BHMT2: variants seen among roughly 807,000 people sequenced by gnomAD.
The protein encoded by BHMT2 is betaine--homocysteine S-methyltransferase 2.
In BHMT2, 28 loss-of-function variants were observed where a neutral mutation model predicts 39.0. The observed-to-expected ratio is 0.72, with a 90% CI of 0.53 to 0.98. BHMT2 has a LOEUF of 0.98. Among genes scored for constraint, BHMT2 ranks in the 50% least tolerant of loss-of-function variants. The probability of loss-of-function intolerance (pLI) is 0.00; values close to 1 mark genes in which losing one functional copy is unlikely to be tolerated. For missense variants in BHMT2, 410 were observed against 455.6 expected, an observed-to-expected ratio of 0.90 and a Z score of 0.91; for synonymous variants, 145 against 160.6, an observed-to-expected ratio of 0.90 and a Z score of 0.74.
chr5:79,069,932 C>A lies in BHMT2; in HGVS notation c.33+117C>A, dbSNP rs1580242484. 5.4e-6 allele frequency: 6 copies of A among 1,102,772 alleles called. No homozygotes were observed. In the East Asian group the frequency reaches 2.0e-4, roughly 36 times the overall value. The allele number at this position is 1,102,772 out of a possible 1,614,324, so 68.3% of individuals were successfully genotyped here. A position where few individuals can be genotyped will look rare whatever the true frequency, so the allele number is the denominator to read the frequency against. On this transcript the variant is annotated intron_variant, in intron 1 of 7. Coordinates refer to ENST00000255192, the MANE Select transcript of BHMT2 (RefSeq NM_017614.5). ...CTGGGGCCTCGGCAAAACACTTGGA[C>A]GGGATGGCCCTGAGCCTCAATTTTC...
chr5:79,083,203 G>C lies in BHMT2; in HGVS notation c.610G>C (p.Val204Leu), dbSNP rs139123468. 6.2e-7 allele frequency: 1 copy of C among 1,614,038 alleles called. No individual in the cohort carries two copies. The highest frequency in any genetic ancestry group is 1.7e-5 in the Admixed American group (1 of 60,030). The stretch of plus-strand genomic sequence containing the variant: ...ATTTCTTTGCACAGGGGCTTCCATC[G>C]TTGGCGTGAACTGCCGCTTTGGGCC... ...VRLVKAGASI[V>L]GVNCRFGPDT... Residue 204 changes from valine to leucine, a missense_variant, in exon 6 of 8, where the codon GTT (valine) becomes CTT (leucine). Val to Leu is a conservative substitution (Grantham distance 32). Coordinates refer to ENST00000255192, the MANE Select transcript of BHMT2 (RefSeq NM_017614.5).
chr5:79,083,574 C>T, intron 6 of BHMT2, 54 bp from the exon 7 acceptor site: 2 of 1,593,192 alleles, frequency 1.3e-6, no homozygotes, highest in Admixed American at 3.5e-5. Flanking sequence ...TTAGAGCATC[C>T]ATCATTTGAA....
At position 79,080,734 on chromosome 5, in the gene BHMT2, T is replaced by C. The variant is rs1375496870; in HGVS notation, c.306T>C (p.Ala102=). 10 of 1,600,718 alleles carry C rather than the reference T, an allele frequency of 6.2e-6. No homozygotes were observed. Among genetic ancestry groups the C allele is most frequent in the Admixed American group, 1.8e-5 (1 of 56,808 alleles). ...CCTGTGACCTCGCCAGGGAAGTGGCTGGCAAAGGTGATGCTTTGGTAGCAG... is the reference window on the plus strand; with the variant it reads ...CCTGTGACCTCGCCAGGGAAGTGGCCGGCAAAGGTGATGCTTTGGTAGCAG... ...AAACDLAREV[A]GKGDALVAGG... The change falls in exon 4 of 8, where the codon GCT becomes GCC. Residue 102 remains alanine (A), a synonymous_variant. Transcript: ENST00000255192.
intron 1 of BHMT2, 89 bp downstream of exon 1, chr5:79,069,904 G>A (rs1435562489): frequency 9.5e-6 from 12 of 1,257,590 alleles, no homozygotes; most frequent in African/African-American, 6.3e-5. Flanking sequence ...CCCTAGCCAA[G>A]CCCTGGGGCC....
In BHMT2 at chr5:79,075,277, G is replaced by T. The variant is rs142127354; in HGVS notation, c.34-2203G>T. Among the ~76,000 whole-genome samples the T allele has an allele frequency of 1.8e-4, 27 of 152,204 alleles. No individual in the cohort carries two copies. In the East Asian group the frequency reaches 5.0e-3, roughly 28 times the overall value. ...TTTGGTGCACACTCTGTAAAAAAGA[G>T]TCCCCCACAAACAGTGGCTTTCCTC... On this transcript the variant is annotated intron_variant, in intron 1 of 7. Coordinates refer to ENST00000255192, the MANE Select transcript of BHMT2 (RefSeq NM_017614.5).
At chr5:79,081,962 A>C (rs1231879777) in intron 4 of BHMT2, among the ~76,000 whole-genome samples, 1 of 152,204 alleles carries the variant, frequency 6.6e-6, no homozygotes, top group Non-Finnish European at 1.5e-5. Context: ...ACGCCTGGCC[A>C]ACCCCACTGG....
chr5:79,085,856 A>T (rs1465525528), intron 7 of BHMT2, among the ~76,000 whole-genome samples: 10 of 152,142 alleles, frequency 6.6e-5, no homozygotes, highest in African/African-American at 2.4e-4. Context: ...TTTCTCTGTT[A>T]TGCTCCCAAA....
intron 1 of BHMT2, among the ~76,000 whole-genome samples, chr5:79,070,714 T>A (rs1367169471): frequency 6.6e-6 from 1 of 152,166 alleles, no homozygotes; most frequent in Non-Finnish European, 1.5e-5. Flanking sequence ...GGATTCTAAA[T>A]AAATTAAGGT....
At chr5:79,084,994 G>A (rs1309269016) in intron 7 of BHMT2, among the ~76,000 whole-genome samples, 1 of 152,012 alleles carries the variant, frequency 6.6e-6, no homozygotes, top group Non-Finnish European at 1.5e-5. Context: ...ATTCCCCTCT[G>A]CTTCTTTCCA....
At chr5:79,074,115 G>C (rs1157590072) in intron 1 of BHMT2, among the ~76,000 whole-genome samples, 1 of 152,206 alleles carries the variant, frequency 6.6e-6, no homozygotes, top group Admixed American at 6.5e-5. Flanking sequence ...GTGGCAGAGG[G>C]TGCAGCCCCA....
At chr5:79,085,984 G>A (rs771089036) in intron 7 of BHMT2, among the ~76,000 whole-genome samples, 2 of 152,158 alleles carry the variant, frequency 1.3e-5, no homozygotes, top group Non-Finnish European at 1.5e-5. Context: ...ATAGGAAGCC[G>A]GCATCCTCTG....
intron 5 of BHMT2, 105 bp downstream of exon 5, chr5:79,083,061 C>T: frequency 6.4e-7 from 1 of 1,574,286 alleles, no homozygotes; most frequent in Non-Finnish European, 8.7e-7. Context: ...AGAATGAACT[C>T]CAATCAGTTT....
intron 3 of BHMT2, 108 bp downstream of exon 3, chr5:79,079,568 C>G: frequency 1.3e-6 from 1 of 785,632 alleles, no homozygotes; most frequent in South Asian, 1.7e-5. Context: ...ATTACAAAGT[C>G]CATATAAATA....
At chr5:79,082,761 A>G in intron 4 of BHMT2, 48 bp from the exon 5 acceptor site, 1 of 1,599,116 alleles carries the variant, frequency 6.3e-7, no homozygotes, top group South Asian at 1.1e-5. Flanking sequence ...TTACCATTCA[A>G]AATCTGCTTT....
chr5:79,071,707 A>C (rs919558839), intron 1 of BHMT2, among the ~76,000 whole-genome samples: 2 of 151,864 alleles, frequency 1.3e-5, no homozygotes, highest in African/African-American at 4.8e-5. Flanking sequence ...TAACTAATGG[A>C]TACTAGGCTT....
At chr5:79,071,521 G>A (rs113411305) in intron 1 of BHMT2, among the ~76,000 whole-genome samples, 8 of 152,232 alleles carry the variant, frequency 5.3e-5, no homozygotes, top group African/African-American at 1.9e-4. Context: ...TGGGGAGGAG[G>A]GAATGAAAAT....
At position 79,088,972 on chromosome 5, in the gene BHMT2, T is replaced by C. The variant is rs1383033005; in HGVS notation, c.*398T>C. ...GAATAATTCAAGTGACTAAGCTAGATACTTGAGGATGATAGAGCAACACTA... is the reference window on the plus strand; with the variant it reads ...GAATAATTCAAGTGACTAAGCTAGACACTTGAGGATGATAGAGCAACACTA... On this transcript the variant is annotated 3_prime_UTR_variant, in exon 8 of 8. Coordinates refer to ENST00000255192, the MANE Select transcript of BHMT2 (RefSeq NM_017614.5). The C allele has an allele frequency of 1.2e-5, 2 of 160,880 alleles. No homozygotes were observed. The highest frequency in any genetic ancestry group is 3.7e-4 in the East Asian group (2 of 5,440). The allele number at this position is 160,880 out of a possible 1,614,324, so 10.0% of individuals were successfully genotyped here.
Position 79,083,707 on chromosome 5 carries a change from T to C in BHMT2, c.861T>C (p.Ile287=). The change falls in exon 7 of 8, where the codon ATT becomes ATC. Residue 287 remains isoleucine (I), a synonymous_variant. Coordinates refer to ENST00000255192, the MANE Select transcript of BHMT2 (RefSeq NM_017614.5). ...REAYNLGVRY[I]GGCCGFEPYH... is the part of the protein sequence containing the mutation. ...CCTACAACCTGGGGGTCAGGTACATTGGCGGGTGCTGTGGATTTGAGCCCT... is the reference window on the plus strand; with the variant it reads ...CCTACAACCTGGGGGTCAGGTACATCGGCGGGTGCTGTGGATTTGAGCCCT... 1 of 1,613,984 alleles carries C rather than the reference T, an allele frequency of 6.2e-7. No homozygotes were observed. The highest frequency in any genetic ancestry group is 1.1e-5 in the South Asian group (1 of 91,060).
At chr5:79,077,678 G>A in intron 2 of BHMT2, 66 bp downstream of exon 2, 2 of 1,533,402 alleles carry the variant, frequency 1.3e-6, no homozygotes. Flanking sequence ...ATTGAGAGAA[G>A]ATCAAGAAAA....
Sources: gnomAD v4.1 joint callset for allele counts (sites outside exome capture counted in the v4.1 genomes callset) on GRCh38, gnomAD v4.1.1 for gene constraint, MANE v1.5 for transcripts, NCBI Gene and HGNC (gene_info 2026-07-23, HGNC 2026-07-21) for gene names.